LCK: variants seen among roughly 807,000 people sequenced by gnomAD.
LCK encodes the protein tyrosine-protein kinase Lck.
In LCK, 14 loss-of-function variants were observed where a neutral mutation model predicts 64.6. The ratio of observed to expected loss-of-function variants is 0.22; its 90% CI spans 0.14 to 0.34. The LOEUF (loss-of-function observed/expected upper bound fraction) is 0.34. LCK is among the 10% of genes least tolerant of loss of function. The probability of loss-of-function intolerance (pLI) is 1.00; values close to 1 mark genes in which losing one functional copy is unlikely to be tolerated. For synonymous variants in LCK, 277 were observed against 263.6 expected (o/e 1.05, Z -0.49); for missense variants, 434 against 668.1 (o/e 0.65, Z 3.86).
At chr1:32,285,261 A>G (rs1045691498) in intron 12 of LCK, among the ~76,000 whole-genome samples, 1 of 148,410 alleles carries the variant, frequency 6.7e-6, no homozygotes, top group Non-Finnish European at 1.5e-5. Context: ...AGATCGCACC[A>G]TTGCACTCCA....
At chr1:32,273,424 G>T (rs1640166692) in intron 1 of LCK, among the ~76,000 whole-genome samples, 1 of 151,590 alleles carries the variant, frequency 6.6e-6, no homozygotes, top group Non-Finnish European at 1.5e-5. Context: ...GTGTGAGAGA[G>T]TGTGTGTGTG....
rs1640602421 is a variant in LCK, at chr1:32,285,905, T to A, written c.*189T>A. 5 of 629,564 alleles carry A rather than the reference T, an allele frequency of 7.9e-6. No homozygotes were observed. Among genetic ancestry groups the A allele is most frequent in the Middle Eastern group, 4.3e-4 (1 of 2,336 alleles). The allele number at this position is 629,564 out of a possible 1,614,324, so 39.0% of individuals were successfully genotyped here. On this transcript the variant is annotated 3_prime_UTR_variant, in exon 13 of 13. Coordinates refer to ENST00000336890, the MANE Select transcript of LCK (RefSeq NM_005356.5). ...TAGTTGCGTGGACTCTGCACATGTCTTGTACATGTGTAGCCTGTGCATGTA... is the reference window on the plus strand; with the variant it reads ...TAGTTGCGTGGACTCTGCACATGTCATGTACATGTGTAGCCTGTGCATGTA...
Position 32,276,018 on chromosome 1 carries a change from C to G in LCK, c.586C>G (p.Arg196Gly), listed in dbSNP as rs1640256022. Reference protein sequence around the residue: ...LDNGGFYISPRITFPGLHELV... With the variant: ...LDNGGFYISPGITFPGLHELV... ...CAACGGTGGCTTCTACATCTCCCCT[C>G]GAATCACTTTTCCCGGCCTGCATGA... The change falls in exon 7 of 13, where the codon CGA becomes GGA. Residue 196 changes from arginine to glycine, a missense_variant. Transcript: ENST00000336890. The surrounding 1 kb of genome is among the most constrained non-coding windows in gnomAD (Gnocchi z 4.6). 3 of 1,614,000 alleles carry G rather than the reference C, an allele frequency of 1.9e-6. No homozygotes were observed. The highest frequency in any genetic ancestry group is 2.7e-5 in the African/African-American group (2 of 74,894).
In LCK at chr1:32,272,641, G is replaced by GAGAGAGAGAGAGAGAA. The variant is rs1557581493; in HGVS notation, c.-5-1676_-5-1675insAGAGAGAAAGAGAGAG. ...AGAGAGAAAGAGAGAGAGAGAGAGA[G>GAGAGAGAGAGAGAGAA]AGAGAGAGCGAGAGAGCGCACGCAT... is the stretch of plus-strand genomic sequence containing the variant. On this transcript the variant is annotated intron_variant, in intron 1 of 12. Coordinates refer to ENST00000336890, the MANE Select transcript of LCK (RefSeq NM_005356.5). Among the ~76,000 whole-genome samples the GAGAGAGAGAGAGAGAA allele has an allele frequency of 7.0e-5, 5 of 71,060 alleles. No individual in the cohort carries two copies. The East Asian group carries it at 2.9e-3, about 41-fold the overall frequency. 46.6% of individuals were successfully genotyped at this position (71,060 alleles called of 152,430 possible).
Position 32,276,537 on chromosome 1 carries a change from C to A in LCK, c.784+48C>A, listed in dbSNP as rs1278411421. The A allele has an allele frequency of 6.3e-7, 1 of 1,586,246 alleles. No homozygotes were observed. The highest frequency in any genetic ancestry group is 8.6e-7 in the Non-Finnish European group (1 of 1,163,838). On this transcript the variant is annotated intron_variant, in intron 8 of 12. Coordinates refer to ENST00000336890, the MANE Select transcript of LCK (RefSeq NM_005356.5). The surrounding 1 kb of genome is among the most constrained non-coding windows in gnomAD (Gnocchi z 4.6). ...CCTGGGAAGAGGGGAACGGGAGGGG[C>A]CGCTGAGGTGATGAGAGTCCCAGGA... is the stretch of plus-strand genomic sequence containing the variant.
Position 32,274,729 on chromosome 1 carries a change from C to T in LCK, c.106-8C>T. 6.4e-7 allele frequency: 1 copy of T among 1,573,792 alleles called. No homozygotes were observed. The highest frequency in any genetic ancestry group is 8.6e-7 in the Non-Finnish European group (1 of 1,157,252). On this transcript the variant is annotated splice_region_variant and splice_polypyrimidine_tract_variant and intron_variant, in intron 2 of 12. Transcript: ENST00000336890. ...TTTCTGACCCCACCCTCATCCCCCA[C>T]TCCACAGCTGCTCATCCGAAATGGC...
intron 1 of LCK, among the ~76,000 whole-genome samples, chr1:32,268,261 G>A (rs2124334467): frequency 6.6e-6 from 1 of 152,130 alleles, no homozygotes; most frequent in East Asian, 1.9e-4. Flanking sequence ...CAAATGCCTG[G>A]CAGTATGTTG....
chr1:32,261,578 G>A (rs1305359827), intron 1 of LCK, among the ~76,000 whole-genome samples: 1 of 148,498 alleles, frequency 6.7e-6, no homozygotes, highest in East Asian at 2.0e-4. Context: ...CCTGGGAGTT[G>A]GAGGTTGCAG....
intron 1 of LCK, among the ~76,000 whole-genome samples, chr1:32,263,272 A>C (rs1226880345): frequency 6.6e-6 from 1 of 151,806 alleles, no homozygotes; most frequent in African/African-American, 2.4e-5. Flanking sequence ...CATGCCTGTA[A>C]TCTCAGCTAC....
At position 32,276,909 on chromosome 1, in the gene LCK, T is replaced by C. The variant is rs1354679050; in HGVS notation, c.964+123T>C. 1.7e-5 allele frequency: 18 copies of C among 1,089,704 alleles called. No homozygotes were observed. In the East Asian group the frequency reaches 4.5e-4, roughly 27 times the overall value. The allele number at this position is 1,089,704 out of a possible 1,614,324, so 67.5% of individuals were successfully genotyped here. Reference sequence around the variant, plus strand: ...GCAAGGAGGGTTTCTTGAGCTTTCCTGCCCCCTGGAGACTCACCTCCAGCC... The same window carrying C: ...GCAAGGAGGGTTTCTTGAGCTTTCCCGCCCCCTGGAGACTCACCTCCAGCC... On this transcript the variant is annotated intron_variant, in intron 9 of 12. Coordinates refer to ENST00000336890, the MANE Select transcript of LCK (RefSeq NM_005356.5). The surrounding 1 kb of genome is among the most constrained non-coding windows in gnomAD (Gnocchi z 4.6).
At chr1:32,267,532 G>A (rs1042756331) in intron 1 of LCK, among the ~76,000 whole-genome samples, 1 of 151,540 alleles carries the variant, frequency 6.6e-6, no homozygotes, top group Admixed American at 6.6e-5. Context: ...AGGTCGAGGA[G>A]GGCAGATCAC....
At chr1:32,278,745 T>A (rs1321088161) in intron 9 of LCK, among the ~76,000 whole-genome samples, 1 of 152,224 alleles carries the variant, frequency 6.6e-6, no homozygotes, top group South Asian at 2.1e-4. Flanking sequence ...CTGCCATGGA[T>A]ACAATGGAAG....
intron 12 of LCK, among the ~76,000 whole-genome samples, chr1:32,284,297 T>TATATATATATCTGTGAGAG (rs1467633710): frequency 1.2e-4 from 18 of 148,382 alleles, no homozygotes; most frequent in East Asian, 3.9e-4. Context: ...ATCTGTGAGA[T>TATATATATATCTGTGAGAG]ATATATATAT....
At chr1:32,284,944 T>C (rs115639993) in intron 12 of LCK, among the ~76,000 whole-genome samples, 6 of 152,302 alleles carry the variant, frequency 3.9e-5, no homozygotes, top group Non-Finnish European at 5.9e-5. Context: ...TGATTGTGCC[T>C]GTGAACAGCT....
intron 1 of LCK, among the ~76,000 whole-genome samples, chr1:32,266,309 G>A (rs1639905994): frequency 6.6e-6 from 1 of 150,998 alleles, no homozygotes; most frequent in Admixed American, 6.6e-5. Flanking sequence ...TGGCTAACAT[G>A]GTGAAACCCC....
intron 12 of LCK, among the ~76,000 whole-genome samples, chr1:32,284,285 A>G (rs1640550928): frequency 6.8e-6 from 1 of 146,456 alleles, no homozygotes; most frequent in African/African-American, 2.5e-5. Context: ...TGAGATATAT[A>G]TATCTGTGAG....
intron 1 of LCK, among the ~76,000 whole-genome samples, chr1:32,263,492 T>A (rs1639836990): frequency 6.6e-6 from 1 of 151,882 alleles, no homozygotes; most frequent in African/African-American, 2.4e-5. Flanking sequence ...ATCCCAACAC[T>A]TTCGGAGTCT....
In LCK at chr1:32,283,072, C is replaced by T. The variant is rs141258853; in HGVS notation, c.1328-2442C>T. 2.1e-3 allele frequency among the ~76,000 whole-genome samples: 321 copies of T among 151,880 alleles called. 1 individual carries two copies. The highest frequency in any genetic ancestry group is 0.017 in the Middle Eastern group (5 of 294). ...TTGGGAGGCTGAGATGAGCGGATCA[C>T]GTGGTCAGGAGGTGGAGACCAGCCT... On this transcript the variant is annotated intron_variant, in intron 12 of 12. Transcript: ENST00000336890.
chr1:32,270,215 G>A (rs1200492534), intron 1 of LCK, among the ~76,000 whole-genome samples: 1 of 147,132 alleles, frequency 6.8e-6, no homozygotes, highest in African/African-American at 2.5e-5. Context: ...CACCTCTTGA[G>A]TTCAAGCAAT....
Sources: allele counts gnomAD v4.1 joint callset (sites outside exome capture counted in the v4.1 genomes callset), GRCh38; gene constraint gnomAD v4.1.1; non-coding constraint Gnocchi (gnomAD v3.1); transcripts MANE v1.5; gene names NCBI Gene and HGNC (gene_info 2026-07-23, HGNC 2026-07-21).